The following WDR91 variants were observed in gnomAD, a reference collection of about 807,000 sequenced individuals.
WDR91 encodes the protein WD repeat-containing protein 91.
WDR91 carries 52 observed loss-of-function variants against 88.4 expected under a neutral mutation model. The observed-to-expected ratio is 0.59, with a 90% confidence interval of 0.47 to 0.74. The LOEUF (loss-of-function observed/expected upper bound fraction) is 0.74, where lower values mean the gene tolerates loss of function less well. Among genes scored for constraint, WDR91 ranks in the 30% least tolerant of loss-of-function variants. The pLI, the probability that WDR91 is intolerant of heterozygous loss-of-function variation, is 0.00. For synonymous variants in WDR91, 362 were observed against 389.5 expected (o/e 0.93, Z 0.83); for missense variants, 824 against 954.5 (o/e 0.86, Z 1.80).
intron 13 of WDR91, among the ~76,000 whole-genome samples, chr7:135,188,051 C>G (rs1831019315): frequency 6.6e-6 from 1 of 152,102 alleles, no homozygotes; most frequent in Non-Finnish European, 1.5e-5. Flanking sequence ...GTTTACATCT[C>G]TGGGCTCTGC....
chr7:135,191,604 C>CAAAAAA (rs10717249), intron 11 of WDR91, among the ~76,000 whole-genome samples: 22 of 82,604 alleles, frequency 2.7e-4, no homozygotes, highest in Admixed American at 3.1e-4. Flanking sequence ...GACTCCATCT[C>CAAAAAA]AAAAAAAAAA....
rs73156116 is a variant in WDR91, at chr7:135,191,982, A to C, written c.1659+1249T>G. ...AGGGAGGGGCACGAGAGATAGGTCT[A>C]GAGTATGTCCCTGGAAATGCAGAGA... On this transcript the variant is annotated intron_variant, in intron 11 of 14. Transcript: ENST00000354475. Among the ~76,000 whole-genome samples, 363 of 152,344 alleles carry C rather than the reference A, an allele frequency of 2.4e-3. 1 individual carries two copies. The highest frequency in any genetic ancestry group is 5.0e-3 in the South Asian group (24 of 4,828).
chr7:135,187,088 G>A lies in WDR91; in HGVS notation c.1963C>T (p.Leu655=), dbSNP rs1403305265. 2 of 1,614,264 alleles carry A rather than the reference G, an allele frequency of 1.2e-6. No individual in the cohort carries two copies. The highest frequency in any genetic ancestry group is 1.1e-5 in the South Asian group (1 of 91,092). Residue 655 remains leucine, a synonymous_variant, in exon 14 of 15, where the codon CTG becomes TTG. Transcript: ENST00000354475. ...LPSDATGPFV[L]SGYSGYKQVQ... is the part of the protein sequence containing the mutation. ...TGCTTGTAGCCGCTGTATCCAGACA[G>A]CACAAAGGGGCCCGTGGCATCTGAG...
Position 135,211,371 on chromosome 7 carries a change from G to A in WDR91, c.123+9C>T, listed in dbSNP as rs1236522839. 1 of 1,604,542 alleles carries A rather than the reference G, an allele frequency of 6.2e-7. No homozygotes were observed. On this transcript the variant is annotated intron_variant, in intron 1 of 14. Transcript: ENST00000354475. Reference sequence around the variant, plus strand: ...GCCTCTGCCCGCGCCGCTCCCGCCGGCCTCTCACCCGGAACCCCTTCTCCT... The same window carrying A: ...GCCTCTGCCCGCGCCGCTCCCGCCGACCTCTCACCCGGAACCCCTTCTCCT...
chr7:135,196,312 C>G lies in WDR91; in HGVS notation c.1076G>C (p.Ser359Thr). Residue 359 changes from serine to threonine, a missense_variant, in exon 8 of 15, where the codon AGT (serine) becomes ACT (threonine). By Grantham distance (58) the Ser-to-Thr change is moderately conservative. Coordinates refer to ENST00000354475, the MANE Select transcript of WDR91 (RefSeq NM_014149.4). This position sits in a 1 kb window ranked among gnomAD's most constrained non-coding sequence, Gnocchi z 4.2. The part of the protein sequence containing the change: ...SQCAEKKPEA[S>T]GPEAEPCPEL... ...TGGGCAGGGCTCAGCCTCTGGGCCA[C>G]TGGCTTCTGGTTTCTTCTCTGCACA... is the stretch of plus-strand genomic sequence containing the variant. The G allele has an allele frequency of 6.3e-7, 1 of 1,578,896 alleles. No homozygotes were observed. Among genetic ancestry groups the G allele is most frequent in the South Asian group, 1.2e-5 (1 of 86,170 alleles).
At chr7:135,203,343 G>A (rs939946062) in intron 6 of WDR91, among the ~76,000 whole-genome samples, 3 of 152,230 alleles carry the variant, frequency 2.0e-5, no homozygotes, top group African/African-American at 7.2e-5. Flanking sequence ...GGTAGGAGAA[G>A]AAGCCACAGA....
At position 135,209,959 on chromosome 7, in the gene WDR91, A is replaced by G. The variant is rs995524164; in HGVS notation, c.124-204T>C. 3 of 430,912 alleles carry G rather than the reference A, an allele frequency of 7.0e-6. No homozygotes were observed. In the East Asian group the frequency reaches 1.2e-4, roughly 17 times the overall value. 26.7% of individuals were successfully genotyped at this position (430,912 alleles called of 1,614,324 possible). A position where few individuals can be genotyped will look rare whatever the true frequency, so the allele number is the denominator to read the frequency against. ...TAGAGAAGTGGTTTGACCCTCTAGC[A>G]AGCACGGAAATTTCAGGTGTAAAAG... On this transcript the variant is annotated intron_variant, in intron 1 of 14. Coordinates refer to ENST00000354475, the MANE Select transcript of WDR91 (RefSeq NM_014149.4).
chr7:135,206,943 T>G, intron 4 of WDR91, 177 bp downstream of exon 4: 2 of 342,114 alleles, frequency 5.8e-6, no homozygotes, highest in South Asian at 5.9e-5. Flanking sequence ...GCCTCTGGTT[T>G]TCAGAGACTG....
chr7:135,187,141 C>T lies in WDR91; in HGVS notation c.1910G>A (p.Gly637Asp), dbSNP rs1830977726. The T allele has an allele frequency of 6.2e-7, 1 of 1,614,220 alleles. No individual in the cohort carries two copies. The highest frequency in any genetic ancestry group is 8.5e-7 in the Non-Finnish European group (1 of 1,180,048). Residue 637 changes from glycine to aspartate, a missense_variant, in exon 14 of 15, where the codon GGC (glycine) becomes GAC (aspartate). By Grantham distance (94) the Gly-to-Asp change is moderately conservative. Coordinates refer to ENST00000354475, the MANE Select transcript of WDR91 (RefSeq NM_014149.4). The part of the protein sequence containing the change: ...KFIQWNIHKS[G>D]LKVSEYSLPS... ...GAGGCTGTACTCGGATACCTTGAGG[C>T]CACTCTTGTGGATGTTCCACTGGAT...
At chr7:135,210,906 G>A (rs973874523) in intron 1 of WDR91, 6 of 703,566 alleles carry the variant, frequency 8.5e-6, no homozygotes, top group Admixed American at 2.0e-5. Flanking sequence ...TTCCACAACT[G>A]CAGAAGCAAA....
intron 9 of WDR91, 101 bp downstream of exon 9, chr7:135,194,833 G>T: frequency 6.8e-7 from 1 of 1,471,748 alleles, no homozygotes. Context: ...GGAGAGAAGG[G>T]AGGGGAACTG....
At chr7:135,198,219 G>A (rs1177272154) in intron 6 of WDR91, 68 bp from the exon 7 acceptor site, 25 of 1,557,554 alleles carry the variant, frequency 1.6e-5, no homozygotes, top group Non-Finnish European at 2.1e-5. Flanking sequence ...CATGCCAGGA[G>A]TGGTCAGCCC....
At chr7:135,188,631 T>G in intron 12 of WDR91, 86 bp from the exon 13 acceptor site, 3 of 1,188,362 alleles carry the variant, frequency 2.5e-6, no homozygotes, top group Non-Finnish European at 2.5e-6. Flanking sequence ...CCTCACCCTC[T>G]ACTCAGGCTG....
At chr7:135,192,944 A>G (rs955728008) in intron 11 of WDR91, among the ~76,000 whole-genome samples, 3 of 152,140 alleles carry the variant, frequency 2.0e-5, no homozygotes, top group African/African-American at 4.8e-5. Context: ...TAATTCTCAT[A>G]CAATTTTAAG....
intron 4 of WDR91, 61 bp downstream of exon 4, chr7:135,207,059 C>T: frequency 6.9e-7 from 1 of 1,448,584 alleles, no homozygotes; most frequent in South Asian, 1.1e-5. Context: ...ACTGCCACTA[C>T]CTAATTTCAC....
chr7:135,208,945 G>T lies in WDR91; in HGVS notation c.357C>A (p.Leu119=). The T allele has an allele frequency of 1.2e-6, 2 of 1,614,216 alleles. No homozygotes were observed. The highest frequency in any genetic ancestry group is 1.7e-6 in the Non-Finnish European group (2 of 1,180,046). ...AATCCTTCCACTCAGCCTGGTTCTG[G>T]AGTTCCGTGGCCTGCTTTGCAAAGA... is the stretch of plus-strand genomic sequence containing the variant. The part of the protein sequence containing the change: ...QEFFAKQATE[L]QNQAEWKDWF... The change falls in exon 3 of 15, where the codon CTC becomes CTA. Residue 119 remains leucine (L), a synonymous_variant. Coordinates refer to ENST00000354475, the MANE Select transcript of WDR91 (RefSeq NM_014149.4).
intron 6 of WDR91, chr7:135,200,140 T>C (rs759278781): frequency 6.6e-6 from 1 of 152,204 alleles, no homozygotes; most frequent in Non-Finnish European, 1.5e-5. Context: ...CAAAAGATAA[T>C]AATATATTAA....
Position 135,209,705 on chromosome 7 carries a change from C to T in WDR91, c.174G>A (p.Leu58=), listed in dbSNP as rs1831944211. 1 of 1,613,204 alleles carries T rather than the reference C, an allele frequency of 6.2e-7. No individual in the cohort carries two copies. Residue 58 remains leucine (L), a synonymous_variant, in exon 2 of 15, where the codon TTG becomes TTA. Transcript: ENST00000354475. ...AGCTCCAATAATCCCGAAGGGCAGC[C>T]AAGTCATACACCTGCATTAACTGCT... ...QLQQLMQVYD[L]AALRDYWSYL... is the part of the protein sequence containing the mutation.
At chr7:135,189,566 T>C (rs1004714408) in intron 11 of WDR91, 114 bp from the exon 12 acceptor site, 15 of 751,904 alleles carry the variant, frequency 2.0e-5, no homozygotes, top group African/African-American at 3.5e-5. Flanking sequence ...TCCTCCCTTA[T>C]GTAATCTGGA....
Sources: gnomAD v4.1 joint callset for allele counts (sites outside exome capture counted in the v4.1 genomes callset) on GRCh38, gnomAD v4.1.1 for gene constraint, Gnocchi (gnomAD v3.1) non-coding constraint, MANE v1.5 for transcripts, NCBI Gene and HGNC (gene_info 2026-07-23, HGNC 2026-07-21) for gene names.